CROCC2: variants seen among roughly 807,000 people sequenced by gnomAD.
CROCC2 encodes ciliary rootlet coiled-coil protein 2.
In CROCC2, 163 loss-of-function variants were observed where a neutral mutation model predicts 177.6. That is an observed-to-expected ratio of 0.92 (90% confidence interval 0.81 to 1.05). The LOEUF (loss-of-function observed/expected upper bound fraction) is 1.05, where lower values mean the gene tolerates loss of function less well. Ranked by LOEUF, CROCC2 falls within the 50% of genes least tolerant of loss-of-function variation. The probability of loss-of-function intolerance (pLI) is 0.00; values close to 1 mark genes in which losing one functional copy is unlikely to be tolerated. For synonymous variants in CROCC2, 904 were observed against 787.3 expected, an observed-to-expected ratio of 1.15 and a Z score of -2.48; for missense variants, 1,929 against 1,797.8, an observed-to-expected ratio of 1.07 and a Z score of -1.32.
chr2:240,966,413 A>T lies in CROCC2; in HGVS notation c.4146+4A>T. On this transcript the variant is annotated splice_donor_region_variant and intron_variant, in intron 25 of 31. Transcript: ENST00000690015. The stretch of plus-strand genomic sequence containing the variant: ...CCGGGAAGCCCAGCGGGAGCGGGTA[A>T]TGGGGGCTGGGGTCCTCCCGCCCAC... The T allele has an allele frequency of 2.5e-6, 1 of 400,960 alleles. No individual in the cohort carries two copies. The highest frequency in any genetic ancestry group is 3.4e-4 in the Middle Eastern group (1 of 2,922). The allele number at this position is 400,960 out of a possible 1,614,324, so 24.8% of individuals were successfully genotyped here.
chr2:240,921,174 T>C (rs1436578633), intron 3 of CROCC2, among the ~76,000 whole-genome samples: 1 of 152,118 alleles, frequency 6.6e-6, no homozygotes. Flanking sequence ...GGCCTCACCT[T>C]CTAGAAGGGT....
chr2:240,917,469 G>A lies in CROCC2; in HGVS notation c.79-1257G>A, dbSNP rs893599172. On this transcript the variant is annotated intron_variant, in intron 1 of 31. Coordinates refer to ENST00000690015, the MANE Select transcript of CROCC2 (RefSeq NM_001351305.2). The surrounding 1 kb of genome is among the most constrained non-coding windows in gnomAD (Gnocchi z 4.9). ...AGGCCTGAGGTCAGAGTCCGGGGAC[G>A]CAAGCAGGGTCTCAGGGAGGGCCAA... 2.0e-5 allele frequency among the ~76,000 whole-genome samples: 3 copies of A among 152,148 alleles called. No homozygotes were observed. Among genetic ancestry groups the A allele is most frequent in the Non-Finnish European group, 2.9e-5 (2 of 68,008 alleles).
Position 240,991,264 on chromosome 2 carries a change from CT to C in CROCC2, c.4934del (p.Phe1645SerfsTer46). On this transcript the variant is annotated frameshift_variant, in exon 31 of 32. Coordinates refer to ENST00000690015, the MANE Select transcript of CROCC2 (RefSeq NM_001351305.2). LOFTEE classifies it high-confidence loss of function. ...WRQQAHLGQA[F>X]QTGHAQRD ...GGCAACAGGCCCACCTCGGCCAGGC[CT>C]TCCAGACAGGACAGTGAGCCCTGCT... 6.5e-7 allele frequency: 1 copy of C among 1,548,712 alleles called. No individual in the cohort carries two copies. The highest frequency in any genetic ancestry group is 8.7e-7 in the Non-Finnish European group (1 of 1,146,068).
At chr2:240,950,713 A>C (rs1307256049) in intron 18 of CROCC2, 2 of 540,446 alleles carry the variant, frequency 3.7e-6, no homozygotes, top group African/African-American at 2.0e-5. Flanking sequence ...TCATTCACCC[A>C]TCCATCCACC....
intron 11 of CROCC2, 117 bp downstream of exon 11, chr2:240,933,969 G>T (rs2059450668): frequency 4.2e-6 from 5 of 1,180,954 alleles, no homozygotes; most frequent in Non-Finnish European, 3.5e-6. Flanking sequence ...TCATCTCAGG[G>T]TGTGGTGGCC....
chr2:240,943,691 G>T (rs900784173), intron 14 of CROCC2, among the ~76,000 whole-genome samples: 7 of 151,960 alleles, frequency 4.6e-5, no homozygotes, highest in African/African-American at 1.5e-4. Context: ...TGTTGGCCAG[G>T]TTGGTCTCGA....
At chr2:240,966,468 A>G (rs183897720) in intron 25 of CROCC2, 59 bp downstream of exon 25, 7,023 of 399,148 alleles carry the variant, frequency 0.018, 92 homozygotes, top group Non-Finnish European at 0.022. Context: ...CTCTGGGAAG[A>G]ACACCTGCTG....
chr2:240,966,550 G>C, intron 25 of CROCC2, 141 bp downstream of exon 25: 1 of 397,094 alleles, frequency 2.5e-6, no homozygotes, highest in Non-Finnish European at 4.4e-6. Flanking sequence ...ATAAACACCA[G>C]CACCACCATG....
At chr2:240,970,886 G>A (rs1053409087) in intron 27 of CROCC2, among the ~76,000 whole-genome samples, 5 of 152,164 alleles carry the variant, frequency 3.3e-5, no homozygotes, top group South Asian at 2.1e-4. Context: ...TGTGACTGGC[G>A]TCTCCCCTCT....
In CROCC2 at chr2:240,939,738, T is replaced by A. The variant is rs59049393; in HGVS notation, c.2169+4150T>A. Reference sequence around the variant, plus strand: ...TCATCTGCATCCTAATAATTTTGCATGTTGTGTTTTTATTATTAGTCAATT... The same window carrying A: ...TCATCTGCATCCTAATAATTTTGCAAGTTGTGTTTTTATTATTAGTCAATT... On this transcript the variant is annotated intron_variant, in intron 14 of 31. Transcript: ENST00000690015. Among the ~76,000 whole-genome samples, 16 of 152,304 alleles carry A rather than the reference T, an allele frequency of 1.1e-4. No homozygotes were observed. The East Asian group carries it at 2.1e-3, about 20-fold the overall frequency.
rs1476334339 is a variant in CROCC2, at chr2:240,973,204, G to C, written c.4401+4942G>C. 1.3e-5 allele frequency among the ~76,000 whole-genome samples: 2 copies of C among 152,218 alleles called. No homozygotes were observed. Among genetic ancestry groups the C allele is most frequent in the African/African-American group, 4.8e-5 (2 of 41,450 alleles). Reference sequence around the variant, plus strand: ...ACATATTTTTCTAATTAAATGGTAGGCTGTGCTATGCAAACAGTAAGATTC... The same window carrying C: ...ACATATTTTTCTAATTAAATGGTAGCCTGTGCTATGCAAACAGTAAGATTC... On this transcript the variant is annotated intron_variant, in intron 27 of 31. Coordinates refer to ENST00000690015, the MANE Select transcript of CROCC2 (RefSeq NM_001351305.2). The surrounding 1 kb of genome is among the most constrained non-coding windows in gnomAD (Gnocchi z 4.7).
chr2:240,946,088 A>G lies in CROCC2; in HGVS notation c.2198A>G (p.Glu733Gly), dbSNP rs2059521837. The G allele has an allele frequency of 6.5e-7, 1 of 1,527,332 alleles. No individual in the cohort carries two copies. Among genetic ancestry groups the G allele is most frequent in the Non-Finnish European group, 8.9e-7 (1 of 1,129,010 alleles). 94.6% of individuals were successfully genotyped at this position (1,527,332 alleles called of 1,614,324 possible). A position where few individuals can be genotyped will look rare whatever the true frequency, so the allele number is the denominator to read the frequency against. ...ACATGCCAGAAACAGGCCCTGGAGG[A>G]GCAGCTGGCTCAGAGCCTGCAGGAC... ...QVTCQKQALE[E>G]QLAQSLQDQE... Residue 733 changes from glutamate (E) to glycine (G), a missense_variant, in exon 15 of 32, where the codon GAG becomes GGG. Glu to Gly is a moderately conservative substitution (Grantham distance 98). Transcript: ENST00000690015.
intron 14 of CROCC2, 28 bp downstream of exon 14, chr2:240,935,616 G>A (rs1367248236): frequency 3.5e-5 from 48 of 1,373,016 alleles, no homozygotes; most frequent in East Asian, 5.9e-5. Context: ...GCATGCTGCC[G>A]CCGTCTGGGA....
rs568503583 is a variant in CROCC2 at position 240,959,185 on chromosome 2, C to T, written c.2944-116C>T. On this transcript the variant is annotated intron_variant, in intron 19 of 31. Coordinates refer to ENST00000690015, the MANE Select transcript of CROCC2 (RefSeq NM_001351305.2). ...CGGGGCTTGCACGATCAGCAGGACC[C>T]GGCTCCCCCTCCCAGGCCACTGCAA... 2.3e-5 allele frequency: 28 copies of T among 1,241,344 alleles called. No individual in the cohort carries two copies. The African/African-American group carries it at 2.6e-4, about 12-fold the overall frequency. The allele number at this position is 1,241,344 out of a possible 1,614,324, so 76.9% of individuals were successfully genotyped here.
chr2:240,954,305 G>C (rs7594525), intron 18 of CROCC2, among the ~76,000 whole-genome samples: 102,931 of 151,554 alleles, frequency 0.68, 35,723 homozygotes, highest in African/African-American at 0.82. Flanking sequence ...AGGATGCCCT[G>C]TCTCAGACAC....
chr2:240,949,137 C>G lies in CROCC2; in HGVS notation c.2482+40C>G. On this transcript the variant is annotated intron_variant, in intron 16 of 31. Transcript: ENST00000690015. This position sits in a 1 kb window ranked among gnomAD's most constrained non-coding sequence, Gnocchi z 4.5. ...CTCCCTCAGCTCCTTCCCCGAAAGTCAGCCATGGAGGGGCCCCTGGAATGG... is the reference window on the plus strand; with the variant it reads ...CTCCCTCAGCTCCTTCCCCGAAAGTGAGCCATGGAGGGGCCCCTGGAATGG... 6.7e-7 allele frequency: 1 copy of G among 1,491,390 alleles called. No individual in the cohort carries two copies. Among genetic ancestry groups the G allele is most frequent in the Non-Finnish European group, 8.9e-7 (1 of 1,122,078 alleles). 92.4% of individuals were successfully genotyped at this position (1,491,390 alleles called of 1,614,324 possible). A position where few individuals can be genotyped will look rare whatever the true frequency, so the allele number is the denominator to read the frequency against.
At position 240,961,828 on chromosome 2, in the gene CROCC2, C is replaced by T. The variant is rs1471446016; in HGVS notation, c.3088-1728C>T. Among the ~76,000 whole-genome samples the T allele has an allele frequency of 1.4e-5, 2 of 140,876 alleles. 1 individual carries two copies. The highest frequency in any genetic ancestry group is 5.3e-5 in the African/African-American group (2 of 37,414). 92.4% of individuals were successfully genotyped at this position (140,876 alleles called of 152,430 possible). A position where few individuals can be genotyped will look rare whatever the true frequency, so the allele number is the denominator to read the frequency against. On this transcript the variant is annotated intron_variant, in intron 20 of 31. Transcript: ENST00000690015. ...ACACTCACATACACTCACACACACGCACGCACACATACACTCATGACACAC... is the reference window on the plus strand; with the variant it reads ...ACACTCACATACACTCACACACACGTACGCACACATACACTCATGACACAC...
At chr2:240,956,832 G>A (rs910040894) in intron 19 of CROCC2, among the ~76,000 whole-genome samples, 3 of 152,216 alleles carry the variant, frequency 2.0e-5, no homozygotes, top group Non-Finnish European at 4.4e-5. Context: ...ACCAGGTCCC[G>A]CATGGGAGAT....
At chr2:240,974,510 T>A (rs1383058723) in intron 27 of CROCC2, among the ~76,000 whole-genome samples, 3 of 146,962 alleles carry the variant, frequency 2.0e-5, no homozygotes, top group African/African-American at 7.5e-5. Context: ...CCTGGCTAAC[T>A]TTTGTATTTT....
Sources: gnomAD v4.1 joint callset for allele counts (sites outside exome capture counted in the v4.1 genomes callset) on GRCh38, gnomAD v4.1.1 for gene constraint, Gnocchi (gnomAD v3.1) non-coding constraint, MANE v1.5 for transcripts, NCBI Gene and HGNC (gene_info 2026-07-23, HGNC 2026-07-21) for gene names.